Variants in ETV6 observed in about 807,000 individuals in gnomAD.
ETV6 encodes the protein ETS variant transcription factor 6.
ETV6 carries 16 observed loss-of-function variants against 51.1 expected under a neutral mutation model. That is an observed-to-expected ratio of 0.31 (90% CI 0.21 to 0.48). ETV6 has a LOEUF of 0.48. ETV6 is among the 20% of genes least tolerant of loss of function. The pLI, the probability that ETV6 is intolerant of heterozygous loss-of-function variation, is 0.99. For synonymous variants in ETV6, 240 were observed against 224.1 expected (o/e 1.07, Z -0.64); for missense variants, 458 against 594.8 (o/e 0.77, Z 2.39).
chr12:11,848,670 T>C (rs922086311), intron 3 of ETV6, among the ~76,000 whole-genome samples: 7 of 152,268 alleles, frequency 4.6e-5, no homozygotes, highest in Non-Finnish European at 1.0e-4. Context: ...TTTATGGGCC[T>C]GAGGCTTACG....
intron 1 of ETV6, among the ~76,000 whole-genome samples, chr12:11,688,017 T>C (rs1397440259): frequency 6.6e-6 from 1 of 152,212 alleles, no homozygotes; most frequent in Middle Eastern, 3.2e-3. Flanking sequence ...TCTATTAGTT[T>C]TCCTGCTTTA....
intron 3 of ETV6, among the ~76,000 whole-genome samples, chr12:11,850,857 C>T (rs1403087722): frequency 6.6e-6 from 1 of 152,238 alleles, no homozygotes; most frequent in African/African-American, 2.4e-5. Context: ...GCCTGCTCTC[C>T]AGCCCTTGTT....
intron 1 of ETV6, among the ~76,000 whole-genome samples, chr12:11,746,791 T>TC (rs979384770): frequency 9.4e-4 from 4 of 4,272 alleles, no homozygotes; most frequent in Non-Finnish European, 3.0e-3. Flanking sequence ...TCTCTCTCTC[T>TC]TTTTTTTTTT....
intron 1 of ETV6, among the ~76,000 whole-genome samples, chr12:11,652,556 C>G (rs1389181428): frequency 6.6e-6 from 1 of 152,190 alleles, no homozygotes; most frequent in Non-Finnish European, 1.5e-5. Context: ...TACCGAACTC[C>G]TGTGACACAA....
intron 4 of ETV6, 74 bp downstream of exon 4, chr12:11,853,635 G>C: frequency 6.5e-7 from 1 of 1,544,544 alleles, no homozygotes; most frequent in Non-Finnish European, 8.9e-7. Flanking sequence ...AACTTGATAA[G>C]CTGGTCTTCT....
chr12:11,841,898 C>T (rs932137663), intron 3 of ETV6, among the ~76,000 whole-genome samples: 8 of 151,760 alleles, frequency 5.3e-5, no homozygotes, highest in South Asian at 4.2e-4. Flanking sequence ...CCGGCTAAAA[C>T]GGTGAAACCC....
chr12:11,769,670 G>T (rs553412893), intron 2 of ETV6, among the ~76,000 whole-genome samples: 1 of 152,118 alleles, frequency 6.6e-6, no homozygotes, highest in Admixed American at 6.5e-5. Flanking sequence ...CATATTCCCC[G>T]TTTGAGCTTA....
chr12:11,707,714 G>A (rs1387001840), intron 1 of ETV6, among the ~76,000 whole-genome samples: 2 of 152,210 alleles, frequency 1.3e-5, no homozygotes, highest in Non-Finnish European at 2.9e-5. Context: ...CACAGGCCCC[G>A]AGTCGTATGT....
intron 4 of ETV6, among the ~76,000 whole-genome samples, chr12:11,868,439 T>C (rs952787211): frequency 5.6e-5 from 2 of 36,026 alleles, no homozygotes; most frequent in Non-Finnish European, 1.6e-4. Flanking sequence ...TTTTTTCTTC[T>C]TTTTTTTTTT....
intron 1 of ETV6, among the ~76,000 whole-genome samples, chr12:11,727,319 G>A (rs542242939): frequency 6.6e-6 from 1 of 152,250 alleles, no homozygotes; most frequent in Non-Finnish European, 1.5e-5. Context: ...CAAGCCAACC[G>A]CACACCTCAC....
chr12:11,714,906 GT>G (rs1330456474), intron 1 of ETV6, among the ~76,000 whole-genome samples: 1 of 152,186 alleles, frequency 6.6e-6, no homozygotes, highest in Non-Finnish European at 1.5e-5. Flanking sequence ...TCAGTTCTGT[GT>G]TTTGAAGAGA....
At chr12:11,698,295 A>T (rs1424555520) in intron 1 of ETV6, among the ~76,000 whole-genome samples, 1 of 152,228 alleles carries the variant, frequency 6.6e-6, no homozygotes, top group African/African-American at 2.4e-5. Flanking sequence ...AAACTGCCAC[A>T]AATTTAGTGG....
chr12:11,889,668 A>G (rs1300230739), intron 7 of ETV6, among the ~76,000 whole-genome samples: 3 of 152,212 alleles, frequency 2.0e-5, no homozygotes, highest in Non-Finnish European at 2.9e-5. Flanking sequence ...TGATTTATAC[A>G]AGAGCCAAGA....
intron 4 of ETV6, among the ~76,000 whole-genome samples, chr12:11,866,132 A>G (rs926267548): frequency 2.0e-5 from 3 of 151,952 alleles, no homozygotes; most frequent in Admixed American, 1.3e-4. Flanking sequence ...TTCTGCTATT[A>G]AGTCCATCTA....
At chr12:11,833,059 G>C (rs1946266946) in intron 2 of ETV6, among the ~76,000 whole-genome samples, 2 of 152,166 alleles carry the variant, frequency 1.3e-5, no homozygotes, top group South Asian at 4.1e-4. Context: ...AAAATAATAA[G>C]ATAAAATGTA....
intron 1 of ETV6, among the ~76,000 whole-genome samples, chr12:11,658,712 T>G (rs1864047232): frequency 6.6e-6 from 1 of 152,198 alleles, no homozygotes; most frequent in South Asian, 2.1e-4. Flanking sequence ...AAGCTCTTAT[T>G]TTAACTTTAA....
intron 2 of ETV6, among the ~76,000 whole-genome samples, chr12:11,818,298 A>G (rs1322882092): frequency 6.6e-6 from 1 of 152,202 alleles, no homozygotes; most frequent in African/African-American, 2.4e-5. Flanking sequence ...TGAGCAGATC[A>G]CGTGAGGCCA....
chr12:11,820,637 C>G (rs1416353474), intron 2 of ETV6, among the ~76,000 whole-genome samples: 3 of 151,932 alleles, frequency 2.0e-5, no homozygotes, highest in East Asian at 1.9e-4. Context: ...TGAGGAACAG[C>G]AGAGAGGTCA....
At chr12:11,740,486 A>G (rs774931300) in intron 1 of ETV6, among the ~76,000 whole-genome samples, 14 of 152,240 alleles carry the variant, frequency 9.2e-5, no homozygotes, top group Non-Finnish European at 1.3e-4. Flanking sequence ...AAAGATGCAA[A>G]GAGAATTACT....
Sources: gnomAD v4.1 joint callset for allele counts (sites outside exome capture counted in the v4.1 genomes callset) on GRCh38, gnomAD v4.1.1 for gene constraint, MANE v1.5 for transcripts, NCBI Gene and HGNC (gene_info 2026-07-23, HGNC 2026-07-21) for gene names.